Variants in ASAP1 observed in about 807,000 individuals in gnomAD.
The protein encoded by ASAP1 is ArfGAP with SH3 domain, ankyrin repeat and PH domain 1.
A neutral mutation model predicts 145.2 loss-of-function variants in ASAP1; 43 were observed. The ratio of observed to expected loss-of-function variants is 0.30; its 90% CI spans 0.23 to 0.38. The LOEUF (loss-of-function observed/expected upper bound fraction) is 0.38, where lower values mean the gene tolerates loss of function less well. Ranked by LOEUF, ASAP1 falls within the 10% of genes least tolerant of loss-of-function variation. The pLI is 1.00. For missense variants in ASAP1, 1,018 were observed against 1,355.3 expected (o/e 0.75, Z 3.91); for synonymous variants, 546 against 515.5 (o/e 1.06, Z -0.80).
At chr8:130,056,557 G>A (rs773719919) in intron 29 of ASAP1, among the ~76,000 whole-genome samples, 15 of 152,340 alleles carry the variant, frequency 9.8e-5, no homozygotes, top group African/African-American at 3.1e-4. Context: ...TCCCTGGAGG[G>A]CAAAATTGCC....
intron 24 of ASAP1, among the ~76,000 whole-genome samples, chr8:130,103,443 T>G (rs1161759226): frequency 2.0e-5 from 3 of 152,164 alleles, no homozygotes; most frequent in Non-Finnish European, 4.4e-5. Flanking sequence ...TAATTTTGGA[T>G]TTGGTTTGTC....
intron 3 of ASAP1, among the ~76,000 whole-genome samples, chr8:130,317,822 CT>C (rs1275866249): frequency 2.0e-5 from 3 of 152,186 alleles, no homozygotes; most frequent in African/African-American, 7.2e-5. Flanking sequence ...ATGGCAGGCC[CT>C]TTCCTCAAAC....
chr8:130,126,135 T>C (rs1272278562), intron 16 of ASAP1, 46 bp from the exon 17 acceptor site: 1 of 1,568,728 alleles, frequency 6.4e-7, no homozygotes, highest in African/African-American at 1.4e-5. Flanking sequence ...AGACATCTAA[T>C]TTTAGTGTGC....
chr8:130,361,849 C>T (rs1170098498), intron 2 of ASAP1: 1 of 1,000,536 alleles, frequency 1.0e-6, no homozygotes, highest in African/African-American at 1.6e-5. Flanking sequence ...GAAATATACA[C>T]CATCCTCCCC....
At chr8:130,153,221 T>C (rs1220285142) in intron 12 of ASAP1, among the ~76,000 whole-genome samples, 1 of 150,854 alleles carries the variant, frequency 6.6e-6, no homozygotes, top group East Asian at 1.9e-4. Flanking sequence ...GGCTTCACCA[T>C]CTTGGCCAGG....
Position 130,394,310 on chromosome 8 carries a change from T to C in ASAP1, c.59+7575A>G, listed in dbSNP as rs150644849. Among the ~76,000 whole-genome samples, 781 of 152,260 alleles carry C rather than the reference T, an allele frequency of 5.1e-3. 6 individuals are homozygous for C. The highest frequency in any genetic ancestry group is 0.014 in the Middle Eastern group (4 of 294). On this transcript the variant is annotated intron_variant, in intron 2 of 29. Transcript: ENST00000518721. Reference sequence around the variant, plus strand: ...CGCCCCTGAGGGTAGGTCTCTGAAATGGCCCCCTTGGGTGTGGCCATCTTC... The same window carrying C: ...CGCCCCTGAGGGTAGGTCTCTGAAACGGCCCCCTTGGGTGTGGCCATCTTC...
intron 3 of ASAP1, among the ~76,000 whole-genome samples, chr8:130,246,148 G>A (rs1318729025): frequency 6.6e-6 from 1 of 151,798 alleles, no homozygotes; most frequent in Non-Finnish European, 1.5e-5. Flanking sequence ...GAAGCCATTT[G>A]CGGTGAAGGG....
chr8:130,103,163 T>C (rs1382875750), intron 24 of ASAP1, among the ~76,000 whole-genome samples: 1 of 152,200 alleles, frequency 6.6e-6, no homozygotes, highest in Non-Finnish European at 1.5e-5. Flanking sequence ...TTCCAGGAAT[T>C]TGTCCATTTC....
chr8:130,263,942 A>C (rs1334812219), intron 3 of ASAP1, among the ~76,000 whole-genome samples: 1 of 152,048 alleles, frequency 6.6e-6, no homozygotes, highest in Non-Finnish European at 1.5e-5. Context: ...CCAATGACTC[A>C]CACACATTCT....
chr8:130,334,361 A>G (rs1565218427), intron 3 of ASAP1, among the ~76,000 whole-genome samples: 1 of 152,234 alleles, frequency 6.6e-6, no homozygotes, highest in Non-Finnish European at 1.5e-5. Flanking sequence ...CTCTTCATTC[A>G]TTTCTATTAA....
chr8:130,202,851 C>A (rs567832422), intron 5 of ASAP1, among the ~76,000 whole-genome samples: 22 of 152,262 alleles, frequency 1.4e-4, no homozygotes, highest in African/African-American at 5.1e-4. Context: ...CTTAACATAT[C>A]TGTGGCAATA....
intron 26 of ASAP1, among the ~76,000 whole-genome samples, chr8:130,078,340 G>C (rs1040119974): frequency 6.6e-5 from 10 of 151,972 alleles, no homozygotes; most frequent in African/African-American, 2.4e-4. Context: ...TGTCGCCCCG[G>C]ATGGAGTGCA....
At chr8:130,311,330 T>C (rs188073194) in intron 3 of ASAP1, among the ~76,000 whole-genome samples, 38 of 152,354 alleles carry the variant, frequency 2.5e-4, no homozygotes, top group Admixed American at 2.3e-3. Context: ...TTTTGAAAAG[T>C]AGAGAAATTT....
intron 2 of ASAP1, among the ~76,000 whole-genome samples, chr8:130,394,591 C>T (rs1299505646): frequency 6.6e-6 from 1 of 152,188 alleles, no homozygotes; most frequent in Admixed American, 6.5e-5. Flanking sequence ...CTGTGACCCA[C>T]ACCCTATTCG....
At chr8:130,439,142 G>C (rs1325522534) in intron 1 of ASAP1, among the ~76,000 whole-genome samples, 1 of 152,196 alleles carries the variant, frequency 6.6e-6, no homozygotes, top group East Asian at 1.9e-4. Flanking sequence ...AGAGATGGAA[G>C]CTTGAGAAGG....
rs145590638 is a variant in ASAP1, at chr8:130,285,861, A to T, written c.187-48867T>A. Among the ~76,000 whole-genome samples the T allele has an allele frequency of 2.1e-4, 32 of 152,352 alleles. No homozygotes were observed. In the East Asian group the frequency reaches 6.0e-3, roughly 28 times the overall value. On this transcript the variant is annotated intron_variant, in intron 3 of 29. Transcript: ENST00000518721. ...CTGTTCCTGCTGAGCGAGTACCAAC[A>T]ATGTTCCAATACTGATTAAAAATAA...
chr8:130,353,520 A>C (rs1363894512), intron 3 of ASAP1, among the ~76,000 whole-genome samples: 8 of 152,180 alleles, frequency 5.3e-5, no homozygotes, highest in Non-Finnish European at 7.4e-5. Context: ...AAGCCACTGA[A>C]ATATGTTTTT....
chr8:130,319,117 T>C (rs1177511321), intron 3 of ASAP1, among the ~76,000 whole-genome samples: 2 of 152,210 alleles, frequency 1.3e-5, no homozygotes, highest in African/African-American at 2.4e-5. Flanking sequence ...ACTGTGGTTA[T>C]TTGGAGAAGA....
At chr8:130,126,162 T>C in intron 16 of ASAP1, 73 bp from the exon 17 acceptor site, 1 of 1,391,708 alleles carries the variant, frequency 7.2e-7, no homozygotes, top group South Asian at 1.4e-5. Context: ...CAGAGGAAGC[T>C]AAAACAGTAG....
Sources: allele counts gnomAD v4.1 joint callset (sites outside exome capture counted in the v4.1 genomes callset), GRCh38; gene constraint gnomAD v4.1.1; transcripts MANE v1.5; gene names NCBI Gene and HGNC (gene_info 2026-07-23, HGNC 2026-07-21).